ABCB10: variants seen among roughly 807,000 people sequenced by gnomAD.
The protein encoded by ABCB10 is ATP binding cassette subfamily B member 10.
In ABCB10, 54 loss-of-function variants were observed where a neutral mutation model predicts 65.4. The observed-to-expected ratio is 0.83, with a 90% CI of 0.66 to 1.04. The LOEUF is 1.04. Ranked by LOEUF, ABCB10 falls within the 50% of genes least tolerant of loss-of-function variation. The pLI, the probability that ABCB10 is intolerant of heterozygous loss-of-function variation, is 0.00. For missense variants in ABCB10, 846 were observed against 976.6 expected, an observed-to-expected ratio of 0.87 and a Z score of 1.78; for synonymous variants, 418 against 406.5, an observed-to-expected ratio of 1.03 and a Z score of -0.34.
At chr1:229,530,435 A>G (rs1384919959) in intron 7 of ABCB10, 27 bp from the exon 8 acceptor site, 2 of 1,610,006 alleles carry the variant, frequency 1.2e-6, no homozygotes, top group Admixed American at 1.7e-5. Context: ...AATATTAATT[A>G]CTTACAGCAA....
intron 1 of ABCB10, among the ~76,000 whole-genome samples, chr1:229,557,745 T>C (rs1043446193): frequency 1.3e-5 from 2 of 152,062 alleles, no homozygotes; most frequent in East Asian, 3.9e-4. Flanking sequence ...AAAAAAAGTA[T>C]AAACGCCTAA....
chr1:229,553,157 G>A (rs1663159414), intron 1 of ABCB10, among the ~76,000 whole-genome samples: 1 of 151,354 alleles, frequency 6.6e-6, no homozygotes, highest in Non-Finnish European at 1.5e-5. Flanking sequence ...CCCTCTTGTT[G>A]CCCAGTGCAA....
intron 6 of ABCB10, among the ~76,000 whole-genome samples, chr1:229,532,242 C>T (rs1662604973): frequency 6.6e-6 from 1 of 152,134 alleles, no homozygotes; most frequent in African/African-American, 2.4e-5. Flanking sequence ...TGGGCCACTG[C>T]ACCTGGCCAC....
intron 3 of ABCB10, among the ~76,000 whole-genome samples, chr1:229,542,694 TG>T (rs1430806223): frequency 6.6e-6 from 1 of 150,474 alleles, no homozygotes; most frequent in African/African-American, 2.5e-5. Flanking sequence ...AGAGACAGGA[TG>T]GGGGTTTGGC....
intron 6 of ABCB10, among the ~76,000 whole-genome samples, chr1:229,537,261 G>A (rs1263072424): frequency 1.3e-5 from 2 of 152,210 alleles, no homozygotes; most frequent in African/African-American, 4.8e-5. Flanking sequence ...AAACACCACT[G>A]AATTGTAAAC....
In ABCB10 at chr1:229,530,383, G is replaced by A. The variant is rs1282122601; in HGVS notation, c.1461C>T (p.Ser487=). Residue 487 remains serine, a synonymous_variant, in exon 8 of 13, where the codon AGC becomes AGT. Coordinates refer to ENST00000344517, the MANE Select transcript of ABCB10 (RefSeq NM_012089.3). The part of the protein sequence containing the change: ...FNEGVILNEK[S]FQGALEFKNV... ...TCTTAAACTCCAAAGCACCCTGGAA[G>A]CTTTTCTCATTTAAGATGACCCCCT... 4.3e-6 allele frequency: 7 copies of A among 1,614,170 alleles called. No individual in the cohort carries two copies. Among genetic ancestry groups the A allele is most frequent in the Admixed American group, 1.7e-5 (1 of 60,024 alleles).
At chr1:229,542,779 TG>T (rs1298238361) in intron 3 of ABCB10, among the ~76,000 whole-genome samples, 1 of 151,856 alleles carries the variant, frequency 6.6e-6, no homozygotes, top group African/African-American at 2.4e-5. Flanking sequence ...CTGCAGGCAC[TG>T]AACAACCACA....
chr1:229,541,630 G>A (rs2102699933), intron 4 of ABCB10, among the ~76,000 whole-genome samples: 1 of 151,228 alleles, frequency 6.6e-6, no homozygotes, highest in East Asian at 2.0e-4. Context: ...CTGATTAACT[G>A]TTTTGTCCTA....
At chr1:229,530,700 C>T (rs1178955893) in intron 7 of ABCB10, among the ~76,000 whole-genome samples, 6 of 152,188 alleles carry the variant, frequency 3.9e-5, no homozygotes, top group Non-Finnish European at 7.3e-5. Flanking sequence ...CATTGAAGAC[C>T]ACAGACAACA....
rs141833283 is a variant in ABCB10 at position 229,531,744 on chromosome 1, A to G, written c.1340-13T>C. 680 of 1,611,972 alleles carry G rather than the reference A, an allele frequency of 4.2e-4. No individual in the cohort carries two copies. In the African/African-American group the frequency reaches 8.1e-3, roughly 19 times the overall value. ...AAAGAGCTCAGACCTGAGGATGAGA[A>G]GCAGAATCCACACACATGTCCATCA... On this transcript the variant is annotated splice_polypyrimidine_tract_variant and intron_variant, in intron 6 of 12. Transcript: ENST00000344517.
intron 3 of ABCB10, 145 bp from the exon 4 acceptor site, chr1:229,542,516 C>A: frequency 1.0e-6 from 1 of 963,020 alleles, no homozygotes; most frequent in Non-Finnish European, 1.5e-6. Context: ...GTACTGTCCC[C>A]AAGTTGTTAC....
intron 3 of ABCB10, 118 bp downstream of exon 3, chr1:229,547,381 G>C: frequency 4.2e-6 from 5 of 1,177,244 alleles, no homozygotes; most frequent in Non-Finnish European, 6.0e-6. Flanking sequence ...AGCACTTTTG[G>C]CTCTAGGCAC....
Position 229,549,361 on chromosome 1 carries a change from A to G in ABCB10, c.591T>C (p.Asp197=). 1 of 1,614,192 alleles carries G rather than the reference A, an allele frequency of 6.2e-7. No homozygotes were observed. Among genetic ancestry groups the G allele is most frequent in the Non-Finnish European group, 8.5e-7 (1 of 1,180,038 alleles). Residue 197 remains aspartate, a synonymous_variant, in exon 2 of 13, where the codon GAT becomes GAC. Transcript: ENST00000344517. ...CCACAGTGGGGTTGGTATAGATGAC[A>G]TCAATGATCTTCCCCAGGAAGAAAG... The part of the protein sequence containing the change: ...SAPFFLGKII[D]VIYTNPTVDY...
intron 5 of ABCB10, 100 bp downstream of exon 5, chr1:229,540,506 A>G (rs999287498): frequency 2.3e-5 from 29 of 1,259,300 alleles, no homozygotes; most frequent in Non-Finnish European, 2.9e-5. Flanking sequence ...TAAAATTTTA[A>G]AAATTAAAAT....
chr1:229,544,759 C>T (rs572256902), intron 3 of ABCB10, among the ~76,000 whole-genome samples: 3 of 152,226 alleles, frequency 2.0e-5, no homozygotes, highest in South Asian at 2.1e-4. Flanking sequence ...TAAATGAGGT[C>T]GTTAAGTGTG....
intron 3 of ABCB10, among the ~76,000 whole-genome samples, chr1:229,544,225 TG>T (rs1349103526): frequency 2.6e-5 from 4 of 152,036 alleles, no homozygotes; most frequent in Non-Finnish European, 5.9e-5. Flanking sequence ...ACCAGTGGGC[TG>T]GGCAACATGG....
At position 229,547,620 on chromosome 1, in the gene ABCB10, C is replaced by G; in HGVS notation, c.800G>C (p.Arg267Pro). Residue 267 changes from arginine (R) to proline (P), a missense_variant, in exon 3 of 13, where the codon CGC becomes CCC. Physicochemically the swap from Arg to Pro is moderately radical, Grantham distance 103. This residue lies in a region of ABCB10 where 632 missense variants were observed against 803.2 expected (regional missense o/e 0.79). Transcript: ENST00000344517. ...RQEVAFFDKTRTGELINRLSS... is the reference protein window; with the variant it reads ...RQEVAFFDKTPTGELINRLSS... Reference sequence around the variant, plus strand: ...GAGGCGGTTAATCAATTCTCCTGTGCGAGTCTTGTCAAAGAAAGCAACCTC... The same window carrying G: ...GAGGCGGTTAATCAATTCTCCTGTGGGAGTCTTGTCAAAGAAAGCAACCTC... 6.2e-7 allele frequency: 1 copy of G among 1,614,210 alleles called. No homozygotes were observed. The highest frequency in any genetic ancestry group is 1.1e-5 in the South Asian group (1 of 91,084).
chr1:229,555,252 T>C (rs2102712894), intron 1 of ABCB10, among the ~76,000 whole-genome samples: 2 of 152,360 alleles, frequency 1.3e-5, no homozygotes, highest in Middle Eastern at 6.8e-3. Context: ...CTCATCTATC[T>C]GCCAGGCACA....
intron 6 of ABCB10, among the ~76,000 whole-genome samples, chr1:229,539,111 C>G (rs1243687869): frequency 6.6e-6 from 1 of 152,212 alleles, no homozygotes; most frequent in Non-Finnish European, 1.5e-5. Flanking sequence ...CTATGGGTTT[C>G]TGTGTCCACA....
Sources: allele counts gnomAD v4.1 joint callset (sites outside exome capture counted in the v4.1 genomes callset), GRCh38; gene constraint gnomAD v4.1.1; regional missense constraint gnomAD v4.1.1; transcripts MANE v1.5; gene names NCBI Gene and HGNC (gene_info 2026-07-23, HGNC 2026-07-21).